BBS9: variants seen among roughly 807,000 people sequenced by gnomAD.
BBS9 encodes the protein protein PTHB1.
Under a neutral mutation model 117.7 loss-of-function variants are expected in BBS9, and 89 were observed. That is an observed-to-expected ratio of 0.76 (90% CI 0.64 to 0.90). The LOEUF (loss-of-function observed/expected upper bound fraction) is 0.90, where lower values mean the gene tolerates loss of function less well. Ranked by LOEUF, BBS9 falls within the 40% of genes least tolerant of loss-of-function variation. The pLI, the probability that BBS9 is intolerant of heterozygous loss-of-function variation, is 0.00. For synonymous variants in BBS9, 379 were observed against 370.9 expected, an observed-to-expected ratio of 1.02 and a Z score of -0.25; for missense variants, 982 against 1,042.2, an observed-to-expected ratio of 0.94 and a Z score of 0.80.
intron 21 of BBS9, among the ~76,000 whole-genome samples, chr7:33,543,619 A>T (rs556840435): frequency 2.4e-4 from 36 of 152,246 alleles, no homozygotes; most frequent in African/African-American, 8.4e-4. Flanking sequence ...TTTCTGTCTC[A>T]TGGCTCTTAA....
chr7:33,367,931 C>A, intron 17 of BBS9, 69 bp downstream of exon 17: 1 of 1,204,674 alleles, frequency 8.3e-7, no homozygotes, highest in Non-Finnish European at 1.2e-6. Context: ...AGAGGATACT[C>A]ACATCAATAA....
chr7:33,129,560 C>G (rs1345833649), upstream of BBS9: 1 of 158,438 alleles, frequency 6.3e-6, no homozygotes, highest in African/African-American at 2.4e-5. Flanking sequence ...GTTGTAAGTG[C>G]TATGACAACA....
intron 21 of BBS9, among the ~76,000 whole-genome samples, chr7:33,569,867 C>T (rs190331702): frequency 3.9e-5 from 6 of 152,238 alleles, no homozygotes; most frequent in Admixed American, 3.9e-4. Context: ...CTGAAGAGGA[C>T]CTGGGAACAA....
chr7:33,169,779 G>T (rs1796254567), intron 4 of BBS9, among the ~76,000 whole-genome samples: 1 of 151,418 alleles, frequency 6.6e-6, no homozygotes, highest in Non-Finnish European at 1.5e-5. Context: ...CACTCTGATG[G>T]TAGTTTCTTT....
At chr7:33,263,548 A>G (rs1798313130) in intron 6 of BBS9, among the ~76,000 whole-genome samples, 1 of 152,170 alleles carries the variant, frequency 6.6e-6, no homozygotes, top group African/African-American at 2.4e-5. Context: ...TTTAAGAATA[A>G]TTTGAGCTAA....
intron 20 of BBS9, among the ~76,000 whole-genome samples, chr7:33,527,376 A>G (rs994937395): frequency 1.3e-5 from 2 of 151,760 alleles, no homozygotes; most frequent in African/African-American, 4.8e-5. Context: ...GTGATCTCAG[A>G]CTGCTGTGCT....
At chr7:33,343,680 G>A in intron 11 of BBS9, among the ~76,000 whole-genome samples, 1 of 152,026 alleles carries the variant, frequency 6.6e-6, no homozygotes, top group East Asian at 1.9e-4. Context: ...TGTATTTTTA[G>A]TAGAGACGGG....
At chr7:33,298,319 T>G (rs1238600112) in intron 9 of BBS9, among the ~76,000 whole-genome samples, 1 of 152,126 alleles carries the variant, frequency 6.6e-6, no homozygotes, top group Admixed American at 6.5e-5. Context: ...TGTGCCTCAG[T>G]GCCTCCCCGC....
intron 9 of BBS9, among the ~76,000 whole-genome samples, chr7:33,292,711 T>A: frequency 6.6e-6 from 1 of 152,038 alleles, no homozygotes; most frequent in East Asian, 1.9e-4. Flanking sequence ...TTACTTTAAA[T>A]TATAGAAAAA....
chr7:33,168,784 T>C (rs60115200), intron 4 of BBS9, among the ~76,000 whole-genome samples: 24,594 of 152,146 alleles, frequency 0.16, 2,132 homozygotes, highest in South Asian at 0.21. Context: ...TTAACTTTCC[T>C]CATGAAAAGC....
chr7:33,482,942 A>T (rs2128978041), intron 19 of BBS9, among the ~76,000 whole-genome samples: 1 of 151,692 alleles, frequency 6.6e-6, no homozygotes, highest in Non-Finnish European at 1.5e-5. Flanking sequence ...GGAAATGGGA[A>T]CTGTCCTATG....
chr7:33,573,714 G>A (rs181312815), intron 21 of BBS9, among the ~76,000 whole-genome samples: 1 of 152,134 alleles, frequency 6.6e-6, no homozygotes, highest in Non-Finnish European at 1.5e-5. Flanking sequence ...CACTAGGGGT[G>A]TTACTGACTG....
chr7:33,172,306 A>G (rs570116013), intron 4 of BBS9, among the ~76,000 whole-genome samples: 1 of 151,802 alleles, frequency 6.6e-6, no homozygotes, highest in East Asian at 1.9e-4. Flanking sequence ...GCATTAACCC[A>G]GGCGGTGGAG....
chr7:33,399,733 G>C (rs1000446809), intron 19 of BBS9, among the ~76,000 whole-genome samples: 1 of 152,162 alleles, frequency 6.6e-6, no homozygotes, highest in Non-Finnish European at 1.5e-5. Context: ...TGCCCAGTCA[G>C]CATTTGTTAG....
intron 21 of BBS9, among the ~76,000 whole-genome samples, chr7:33,565,331 C>T (rs1585277086): frequency 6.6e-6 from 1 of 152,062 alleles, no homozygotes; most frequent in Non-Finnish European, 1.5e-5. Flanking sequence ...TATGAGGAAG[C>T]CTGATTCTGT....
At chr7:33,557,212 A>G (rs1243812366) in intron 21 of BBS9, among the ~76,000 whole-genome samples, 5 of 152,174 alleles carry the variant, frequency 3.3e-5, no homozygotes, top group Non-Finnish European at 5.9e-5. Flanking sequence ...CATCTCTTCA[A>G]TTATCCCAAG....
intron 9 of BBS9, among the ~76,000 whole-genome samples, chr7:33,310,537 G>T (rs1808993573): frequency 6.6e-6 from 1 of 152,128 alleles, no homozygotes; most frequent in South Asian, 2.1e-4. Flanking sequence ...AGTAAAAGGG[G>T]ATTCTGTTAA....
In BBS9 at chr7:33,486,909, G is replaced by A. The variant is rs191978371; in HGVS notation, c.2116-18554G>A. On this transcript the variant is annotated intron_variant, in intron 19 of 22. Coordinates refer to ENST00000242067, the MANE Select transcript of BBS9 (RefSeq NM_198428.3). ...AAATGAAACATAATTCATTGTCCTA[G>A]CCAATAATGTCTTTCATAAGCACAA... Among the ~76,000 whole-genome samples the A allele has an allele frequency of 3.1e-3, 479 of 152,316 alleles. 2 individuals are homozygous for A. Among genetic ancestry groups the A allele is most frequent in the African/African-American group, 0.011 (467 of 41,570 alleles).
chr7:33,283,293 T>A lies in BBS9; in HGVS notation c.1016+9337T>A, dbSNP rs867793336. On this transcript the variant is annotated intron_variant, in intron 9 of 22. Transcript: ENST00000242067. ...GGAAAAGCCTGAAGGTAGCTTAATT[T>A]TTTTTAAAAAGACATCTTATTGGAT... 3.2e-4 allele frequency among the ~76,000 whole-genome samples: 48 copies of A among 152,328 alleles called. 1 individual carries two copies. In the South Asian group the frequency reaches 6.8e-3, roughly 22 times the overall value.
Sources: gnomAD v4.1 joint callset for allele counts (sites outside exome capture counted in the v4.1 genomes callset) on GRCh38, gnomAD v4.1.1 for gene constraint, MANE v1.5 for transcripts, NCBI Gene and HGNC (gene_info 2026-07-23, HGNC 2026-07-21) for gene names.